ZNF536: variants seen among roughly 807,000 people sequenced by gnomAD.
The protein encoded by ZNF536 is zinc finger protein 536.
ZNF536 carries 13 observed loss-of-function variants against 84.5 expected under a neutral mutation model. That is an observed-to-expected ratio of 0.15 (90% confidence interval 0.10 to 0.24). The LOEUF is 0.24. Ranked by LOEUF, ZNF536 falls within the 10% of genes least tolerant of loss-of-function variation. The probability of loss-of-function intolerance (pLI) is 1.00; values close to 1 mark genes in which losing one functional copy is unlikely to be tolerated. For synonymous variants in ZNF536, 811 were observed against 742.5 expected (o/e 1.09, Z -1.50); for missense variants, 1,536 against 1,747.5 (o/e 0.88, Z 2.16).
chr19:30,599,549 C>T (rs1036984133), intron 1 of ZNF536, among the ~76,000 whole-genome samples: 31 of 150,210 alleles, frequency 2.1e-4, no homozygotes, highest in African/African-American at 7.1e-4. Context: ...TCTATTCATT[C>T]GCATATCCAC....
At position 30,372,393 on chromosome 19, in the gene ZNF536, G is replaced by A. The variant is rs1424510884; in HGVS notation, c.-166G>A. On this transcript the variant is annotated 5_prime_UTR_variant, in exon 1 of 5. Coordinates refer to ENST00000355537, the MANE Select transcript of ZNF536 (RefSeq NM_014717.3). Reference sequence around the variant, plus strand: ...CGGGACACGGCCCTGGGATTTTGCTGAGGCCAGCTTTGGAACAGGGGAGGT... The same window carrying A: ...CGGGACACGGCCCTGGGATTTTGCTAAGGCCAGCTTTGGAACAGGGGAGGT... 1 of 152,326 alleles carries A rather than the reference G, an allele frequency of 6.6e-6. No homozygotes were observed. The highest frequency in any genetic ancestry group is 1.5e-5 in the Non-Finnish European group (1 of 68,110). The allele number at this position is 152,326 out of a possible 1,614,324, so 9.4% of individuals were successfully genotyped here.
chr19:30,672,123 G>A (rs1342873686), intron 1 of ZNF536, among the ~76,000 whole-genome samples: 1 of 152,256 alleles, frequency 6.6e-6, no homozygotes, highest in Admixed American at 6.5e-5. Context: ...AAACAAGATA[G>A]ATTACTTGGC....
chr19:30,627,009 G>A (rs758140562), intron 1 of ZNF536, among the ~76,000 whole-genome samples: 11 of 152,146 alleles, frequency 7.2e-5, no homozygotes, highest in Non-Finnish European at 1.2e-4. Context: ...GCAGTAAGGT[G>A]GGGAGTACTG....
At chr19:30,657,669 C>A (rs991775507) in intron 1 of ZNF536, among the ~76,000 whole-genome samples, 1 of 152,234 alleles carries the variant, frequency 6.6e-6, no homozygotes, top group African/African-American at 2.4e-5. Flanking sequence ...CAGGCACTTG[C>A]AACTCTCTTA....
intron 2 of ZNF536, among the ~76,000 whole-genome samples, chr19:30,481,992 A>T (rs76771573): frequency 0.024 from 3,688 of 152,278 alleles, 98 homozygotes; most frequent in East Asian, 0.075. Context: ...TGCAAAAGAC[A>T]TTTGTTCCTT....
At chr19:30,692,209 C>A (rs1336026308) in intron 1 of ZNF536, among the ~76,000 whole-genome samples, 2 of 152,224 alleles carry the variant, frequency 1.3e-5, no homozygotes, top group Non-Finnish European at 2.9e-5. Context: ...CAGGTGCCGA[C>A]GCAAGAAACT....
At chr19:30,673,797 G>A (rs2050652702) in intron 1 of ZNF536, among the ~76,000 whole-genome samples, 1 of 152,208 alleles carries the variant, frequency 6.6e-6, no homozygotes, top group Non-Finnish European at 1.5e-5. Flanking sequence ...AAATATTACT[G>A]GTGACCGACA....
At chr19:30,518,548 C>G (rs1182550541) in intron 2 of ZNF536, among the ~76,000 whole-genome samples, 2 of 152,194 alleles carry the variant, frequency 1.3e-5, no homozygotes, top group African/African-American at 4.8e-5. Context: ...ATTTAGTTGT[C>G]TCTCTCAATT....
At chr19:30,513,545 A>C (rs796365538) in intron 2 of ZNF536, among the ~76,000 whole-genome samples, 6 of 152,352 alleles carry the variant, frequency 3.9e-5, no homozygotes, top group African/African-American at 1.4e-4. Flanking sequence ...GTTAAAAATA[A>C]CATTTATTAA....
In ZNF536 at chr19:30,250,769, G is replaced by A. The variant is rs540385215; in HGVS notation, c.-190+22096G>A. On this transcript the variant is annotated intron_variant, in intron 1 of 5. Transcript: ENST00000585628. ...CCACTCCCCCCATATGATTCAAAAG[G>A]CACCATAAAGGCATAACATATACAA... is the stretch of plus-strand genomic sequence containing the variant. 7.3e-5 allele frequency among the ~76,000 whole-genome samples: 11 copies of A among 151,508 alleles called. No homozygotes were observed. The South Asian group carries it at 2.3e-3, about 32-fold the overall frequency.
chr19:30,453,212 G>A (rs941741407), intron 2 of ZNF536, among the ~76,000 whole-genome samples: 1 of 152,154 alleles, frequency 6.6e-6, no homozygotes, highest in Admixed American at 6.5e-5. Context: ...ACAGGACTTG[G>A]GCAGAGCTGT....
At chr19:30,695,659 G>A (rs1182738150) in intron 1 of ZNF536, among the ~76,000 whole-genome samples, 3 of 152,158 alleles carry the variant, frequency 2.0e-5, no homozygotes, top group Non-Finnish European at 2.9e-5. Flanking sequence ...GAGAAATAGG[G>A]AGCCATGGAT....
In ZNF536 at chr19:30,402,578, A is replaced by G. The variant is rs147099806; in HGVS notation, c.-3+30022A>G. Among the ~76,000 whole-genome samples the G allele has an allele frequency of 1.4e-4, 21 of 151,850 alleles. No homozygotes were observed. In the East Asian group the frequency reaches 4.1e-3, roughly 29 times the overall value. On this transcript the variant is annotated intron_variant, in intron 1 of 4. Transcript: ENST00000355537. The stretch of plus-strand genomic sequence containing the variant: ...TGAAACAACCTGTTCTACCTCTCCC[A>G]GCCACCTTCCATTTGCCTTTTTTCA...
chr19:30,574,065 G>C (rs1295770328), intron 1 of ZNF536, among the ~76,000 whole-genome samples: 1 of 152,196 alleles, frequency 6.6e-6, no homozygotes, highest in African/African-American at 2.4e-5. Context: ...TATATTGTTT[G>C]CATTGCATAC....
At chr19:30,620,507 C>T (rs971384965) in intron 1 of ZNF536, among the ~76,000 whole-genome samples, 14 of 152,252 alleles carry the variant, frequency 9.2e-5, no homozygotes, top group African/African-American at 2.6e-4. Flanking sequence ...CTGCAGGTTC[C>T]GGTGATTCCT....
At chr19:30,705,478 G>A (rs528980985) in intron 1 of ZNF536, among the ~76,000 whole-genome samples, 22 of 151,898 alleles carry the variant, frequency 1.4e-4, no homozygotes, top group Non-Finnish European at 2.4e-4. Context: ...GAGAATGAGG[G>A]TGACTAAGTA....
intron 1 of ZNF536, among the ~76,000 whole-genome samples, chr19:30,582,852 T>C (rs989270342): frequency 2.6e-4 from 39 of 152,196 alleles, no homozygotes; most frequent in African/African-American, 8.9e-4. Flanking sequence ...TCCCCATGAT[T>C]CAATGATCTC....
intron 1 of ZNF536, among the ~76,000 whole-genome samples, chr19:30,678,857 G>A (rs987471953): frequency 9.2e-5 from 14 of 152,000 alleles, no homozygotes; most frequent in African/African-American, 2.2e-4. Context: ...CAGAAGGGTC[G>A]CTTGAGGTCA....
intron 1 of ZNF536, among the ~76,000 whole-genome samples, chr19:30,701,466 AACAC>A (rs1248280202): frequency 7.6e-5 from 10 of 131,872 alleles, no homozygotes; most frequent in African/African-American, 2.9e-4. Context: ...CAAACACACA[AACAC>A]ACACAGACAC....
Sources: gnomAD v4.1 joint callset for allele counts (sites outside exome capture counted in the v4.1 genomes callset) on GRCh38, gnomAD v4.1.1 for gene constraint, MANE v1.5 for transcripts, NCBI Gene and HGNC (gene_info 2026-07-23, HGNC 2026-07-21) for gene names.